FUS: variants seen among roughly 807,000 people sequenced by gnomAD.
FUS encodes FUS RNA binding protein, also known as RNA-binding protein FUS.
Under a neutral mutation model 82.7 loss-of-function variants are expected in FUS, and 5 were observed. That is an observed-to-expected ratio of 0.06 (90% CI 0.03 to 0.13). The LOEUF (loss-of-function observed/expected upper bound fraction) is 0.13, where lower values mean the gene tolerates loss of function less well. Ranked by LOEUF, FUS falls within the 10% of genes least tolerant of loss-of-function variation. The probability of loss-of-function intolerance (pLI) is 1.00; values close to 1 mark genes in which losing one functional copy is unlikely to be tolerated. For synonymous variants in FUS, 281 were observed against 247.4 expected, an observed-to-expected ratio of 1.14 and a Z score of -1.27; for missense variants, 512 against 707.8, an observed-to-expected ratio of 0.72 and a Z score of 3.14.
chr16:31,191,417 T>C lies in FUS; in HGVS notation c.1560T>C (p.Asp520=). Reference sequence around the variant, plus strand: ...TTTGCAGGGGTGAGCACAGACAGGATCGCAGGGAGAGGCCGTATTAATTAG... The same window carrying C: ...TTTGCAGGGGTGAGCACAGACAGGACCGCAGGGAGAGGCCGTATTAATTAG... ...KMDSRGEHRQ[D]RRERPY is the part of the protein sequence containing the mutation. The change falls in exon 15 of 15, where the codon GAT becomes GAC. Residue 520 remains aspartate (D), a synonymous_variant. Transcript: ENST00000254108. The C allele has an allele frequency of 6.2e-7, 1 of 1,611,802 alleles. No individual in the cohort carries two copies. Among genetic ancestry groups the C allele is most frequent in the Non-Finnish European group, 8.5e-7 (1 of 1,179,488 alleles).
intron 3 of FUS, chr16:31,183,403 TAAAGG>T: frequency 5.7e-6 from 1 of 174,198 alleles, no homozygotes; most frequent in Middle Eastern, 3.0e-3. Context: ...GCATATTTTC[TAAAGG>T]AAGAACCAGT....
chr16:31,193,252 A>G (rs2079384296), downstream of FUS: 1 of 506,754 alleles, frequency 2.0e-6, no homozygotes. Context: ...CCCTGCCAGC[A>G]TTGGGGTGCT....
chr16:31,192,295 A>G (rs1045071985), downstream of FUS: 3 of 526,962 alleles, frequency 5.7e-6, no homozygotes, highest in Non-Finnish European at 7.4e-6. Flanking sequence ...AAGTGATAAG[A>G]GGGGGAAGGG....
downstream of FUS, chr16:31,192,747 T>G (rs2079378152): frequency 4.2e-6 from 2 of 478,446 alleles, no homozygotes; most frequent in South Asian, 3.1e-5. Flanking sequence ...GTTTTTGCAT[T>G]TTTAGTGGAG....
At position 31,184,257 on chromosome 16, in the gene FUS, G is replaced by A; in HGVS notation, c.384G>A (p.Gly128=). The part of the protein sequence containing the change: ...QSSSYGQPQS[G]SYSQQPSYGG... ...GCAGCTATGGGCAGCCCCAGAGTGG[G>A]AGCTACAGCCAGCAGCCTAGCTATG... Residue 128 remains glycine, a synonymous_variant, in exon 5 of 15, where the codon GGG becomes GGA. Transcript: ENST00000254108. The A allele has an allele frequency of 6.2e-7, 1 of 1,614,044 alleles. No homozygotes were observed. The highest frequency in any genetic ancestry group is 8.5e-7 in the Non-Finnish European group (1 of 1,179,970).
downstream of FUS, chr16:31,192,295 AG>A: frequency 1.9e-6 from 1 of 526,962 alleles, no homozygotes; most frequent in Non-Finnish European, 3.7e-6. Context: ...AAGTGATAAG[AG>A]GGGGAAGGGG....
chr16:31,185,015 T>C lies in FUS; in HGVS notation c.600T>C (p.Ser200=). ...GCGGTTATGGCAATCAAGACCAGAGTGGTGGAGGTGGCAGCGGTGGCTATG... is the reference window on the plus strand; with the variant it reads ...GCGGTTATGGCAATCAAGACCAGAGCGGTGGAGGTGGCAGCGGTGGCTATG... ...SGGGYGNQDQ[S]GGGGSGGYGQ... Residue 200 remains serine (S), a synonymous_variant, in exon 6 of 15, where the codon AGT becomes AGC. Transcript: ENST00000254108. The C allele has an allele frequency of 6.2e-7, 1 of 1,611,424 alleles. No homozygotes were observed. The highest frequency in any genetic ancestry group is 1.1e-5 in the South Asian group (1 of 90,970).
chr16:31,183,683 C>T (rs982816126), intron 3 of FUS, 175 bp from the exon 4 acceptor site: 9 of 739,594 alleles, frequency 1.2e-5, no homozygotes, highest in Middle Eastern at 2.8e-4. Flanking sequence ...GAAGTTGAAG[C>T]ATTAAATTTA....
chr16:31,188,792 T>A lies in FUS; in HGVS notation c.833-331T>A, dbSNP rs2079309865. The A allele has an allele frequency of 6.4e-6, 3 of 468,022 alleles. No individual in the cohort carries two copies. In the East Asian group the frequency reaches 1.1e-4, roughly 18 times the overall value. 29.0% of individuals were successfully genotyped at this position (468,022 alleles called of 1,614,324 possible). On this transcript the variant is annotated intron_variant, in intron 8 of 14. Transcript: ENST00000254108. ...GTACTAGATTTGAATGTAAAATGGG[T>A]TTCTTATTTAATTCGGGGACCTTCA...
downstream of FUS, chr16:31,194,784 CT>C: frequency 2.1e-6 from 1 of 481,104 alleles, no homozygotes; most frequent in Non-Finnish European, 4.1e-6. Context: ...TATTTCAGCC[CT>C]TTTATGCTGG....
intron 7 of FUS, 80 bp from the exon 8 acceptor site, chr16:31,188,245 C>A (rs1174085427): frequency 8.8e-6 from 13 of 1,472,236 alleles, no homozygotes; most frequent in Middle Eastern, 1.8e-4. Flanking sequence ...TTTTCCTTGT[C>A]CGTTTTTTCC....
intron 3 of FUS, 74 bp from the exon 4 acceptor site, chr16:31,183,784 G>A: frequency 1.3e-6 from 2 of 1,581,336 alleles, no homozygotes; most frequent in Non-Finnish European, 1.7e-6. Context: ...TAGGTATTAT[G>A]TTTTCTTTAA....
At chr16:31,180,268 C>T in intron 1 of FUS, 41 bp downstream of exon 1, 1 of 1,591,772 alleles carries the variant, frequency 6.3e-7, no homozygotes, top group Admixed American at 1.8e-5. Context: ...CGCACCCGGC[C>T]GAGGCCTCCC....
chr16:31,189,974 TC>T, intron 10 of FUS, 65 bp from the exon 11 acceptor site: 1 of 1,560,658 alleles, frequency 6.4e-7, no homozygotes. Flanking sequence ...AAGGCACGCT[TC>T]TCTTGTATTT....
At chr16:31,181,240 GA>G (rs1483910232) in intron 1 of FUS, among the ~76,000 whole-genome samples, 1 of 152,190 alleles carries the variant, frequency 6.6e-6, no homozygotes, top group Non-Finnish European at 1.5e-5. Context: ...CTGAGATAGG[GA>G]CGGAGAAGAA....
At chr16:31,192,558 A>C (rs1471421063), downstream of FUS, 2 of 502,268 alleles carry the variant, frequency 4.0e-6, no homozygotes, top group Non-Finnish European at 7.8e-6. Flanking sequence ...TTTCCTCTCA[A>C]ATTTTTATTT....
intron 3 of FUS, 142 bp from the exon 4 acceptor site, chr16:31,183,716 T>C: frequency 4.1e-6 from 4 of 981,284 alleles, no homozygotes; most frequent in Non-Finnish European, 4.9e-6. Context: ...AGGGTAACTA[T>C]CTTTGCCTAT....
chr16:31,191,376 A>G (rs572141680), intron 14 of FUS, 23 bp from the exon 15 acceptor site: 2 of 1,555,410 alleles, frequency 1.3e-6, no homozygotes, highest in African/African-American at 2.7e-5. Context: ...ATGGATACTT[A>G]ATTTTTTTTT....
At chr16:31,183,284 A>AG (rs796650563) in intron 3 of FUS, 29 of 171,094 alleles carry the variant, frequency 1.7e-4, no homozygotes, top group African/African-American at 7.0e-4. Context: ...AAACATAAAA[A>AG]AAAAAACAAA....
Sources: allele counts gnomAD v4.1 joint callset (sites outside exome capture counted in the v4.1 genomes callset), GRCh38; gene constraint gnomAD v4.1.1; transcripts MANE v1.5; gene names NCBI Gene and HGNC (gene_info 2026-07-23, HGNC 2026-07-21).